RALYL: variants seen among roughly 807,000 people sequenced by gnomAD.
The protein encoded by RALYL is RALY RNA binding protein like.
In RALYL, 29 loss-of-function variants were observed where a neutral mutation model predicts 35.1. The ratio of observed to expected loss-of-function variants is 0.83; its 90% CI spans 0.61 to 1.13. The LOEUF is 1.13. RALYL is among the 50% of genes most tolerant of loss of function. RALYL has a pLI of 0.00. For synonymous variants in RALYL, 120 were observed against 127.6 expected, an observed-to-expected ratio of 0.94 and a Z score of 0.40; for missense variants, 359 against 360.4, an observed-to-expected ratio of 1.00 and a Z score of 0.03.
At chr8:84,236,883 G>A (rs971474963) in intron 1 of RALYL, among the ~76,000 whole-genome samples, 1 of 152,080 alleles carries the variant, frequency 6.6e-6, no homozygotes, top group Non-Finnish European at 1.5e-5. Flanking sequence ...TTCAATAAAA[G>A]TTTATTAAGC....
intron 2 of RALYL, among the ~76,000 whole-genome samples, chr8:84,583,695 C>T (rs1460099892): frequency 1.3e-5 from 2 of 152,112 alleles, no homozygotes; most frequent in Admixed American, 6.5e-5. Context: ...GTGAAGGAGA[C>T]ATCCCTGCAC....
chr8:84,634,057 A>G (rs890293722), intron 2 of RALYL, among the ~76,000 whole-genome samples: 1 of 151,922 alleles, frequency 6.6e-6, no homozygotes, highest in Admixed American at 6.6e-5. Context: ...CTGTACTTAT[A>G]AAGATCACAG....
intron 2 of RALYL, among the ~76,000 whole-genome samples, chr8:84,590,629 A>G (rs191514479): frequency 3.7e-4 from 56 of 152,308 alleles, no homozygotes; most frequent in Admixed American, 3.5e-3. Context: ...ATTTACCACT[A>G]CACAGTTTTT....
chr8:84,877,511 T>C (rs1164883563), intron 7 of RALYL, among the ~76,000 whole-genome samples: 2 of 151,878 alleles, frequency 1.3e-5, no homozygotes, highest in African/African-American at 4.8e-5. Flanking sequence ...TATATATATA[T>C]ATACACATAT....
chr8:84,597,214 G>A (rs1005437140), intron 2 of RALYL, among the ~76,000 whole-genome samples: 5 of 151,984 alleles, frequency 3.3e-5, no homozygotes, highest in Admixed American at 1.3e-4. Flanking sequence ...TCACCGTGGC[G>A]CTTAGTTTCC....
chr8:84,593,632 T>C (rs1813813864), intron 2 of RALYL, among the ~76,000 whole-genome samples: 1 of 152,076 alleles, frequency 6.6e-6, no homozygotes, highest in African/African-American at 2.4e-5. Flanking sequence ...CATTTGTGGT[T>C]TTAAGAGTCC....
chr8:84,371,742 C>T (rs1855767816), intron 1 of RALYL, among the ~76,000 whole-genome samples: 1 of 151,980 alleles, frequency 6.6e-6, no homozygotes, highest in Admixed American at 6.6e-5. Flanking sequence ...ATTTAGAGAA[C>T]TATTTCTAAA....
Position 84,716,813 on chromosome 8 carries a change from G to T in RALYL, c.257-57766G>T, listed in dbSNP as rs145237281. Among the ~76,000 whole-genome samples, 730 of 152,126 alleles carry T rather than the reference G, an allele frequency of 4.8e-3. 6 individuals are homozygous for T. Among genetic ancestry groups the T allele is most frequent in the African/African-American group, 0.017 (703 of 41,510 alleles). ...TGGACATAAAAATTTATTTGATTTT[G>T]AAATAAAAACAAATCATTAAAAATT... On this transcript the variant is annotated intron_variant, in intron 2 of 8. Coordinates refer to ENST00000521268, the MANE Select transcript of RALYL (RefSeq NM_173848.7).
At chr8:84,640,177 A>G (rs1456568420) in intron 2 of RALYL, among the ~76,000 whole-genome samples, 2 of 152,146 alleles carry the variant, frequency 1.3e-5, no homozygotes, top group East Asian at 1.9e-4. Context: ...ATAGTTACTC[A>G]TTTAACCCAA....
intron 3 of RALYL, among the ~76,000 whole-genome samples, chr8:84,782,282 T>G (rs1327323149): frequency 1.3e-5 from 2 of 152,202 alleles, no homozygotes; most frequent in Non-Finnish European, 2.9e-5. Flanking sequence ...AAAAGTGGGC[T>G]GACCCCTTGC....
chr8:84,651,229 A>G (rs1321347423), intron 2 of RALYL, among the ~76,000 whole-genome samples: 2 of 151,782 alleles, frequency 1.3e-5, no homozygotes, highest in Non-Finnish European at 2.9e-5. Context: ...AATAATAATA[A>G]AATTAAAAAA....
At chr8:84,911,337 A>G (rs532852319) in intron 8 of RALYL, among the ~76,000 whole-genome samples, 1 of 152,278 alleles carries the variant, frequency 6.6e-6, no homozygotes, top group East Asian at 1.9e-4. Context: ...AACTGGTTAT[A>G]TCTTTTCATA....
chr8:84,785,094 A>G (rs1436761705), intron 3 of RALYL, among the ~76,000 whole-genome samples: 4 of 152,188 alleles, frequency 2.6e-5, no homozygotes, highest in Non-Finnish European at 5.9e-5. Context: ...CTGAGATGCC[A>G]CATAGTTTAT....
intron 1 of RALYL, among the ~76,000 whole-genome samples, chr8:84,510,726 C>T (rs1216224163): frequency 6.6e-6 from 1 of 151,976 alleles, no homozygotes; most frequent in African/African-American, 2.4e-5. Context: ...AGGAGAATTG[C>T]TTGAACCTGG....
At chr8:84,483,367 G>A (rs1036218917) in intron 1 of RALYL, among the ~76,000 whole-genome samples, 2 of 151,936 alleles carry the variant, frequency 1.3e-5, no homozygotes, top group Non-Finnish European at 2.9e-5. Context: ...GGAGGTGTAG[G>A]GTATTCATTG....
chr8:84,490,942 G>A (rs2055221238), intron 1 of RALYL, among the ~76,000 whole-genome samples: 1 of 151,680 alleles, frequency 6.6e-6, no homozygotes, highest in Non-Finnish European at 1.5e-5. Context: ...TCATGTTGGA[G>A]GAAGGATTCC....
intron 5 of RALYL, among the ~76,000 whole-genome samples, chr8:84,857,974 C>T (rs113315616): frequency 1.3e-3 from 193 of 152,042 alleles, no homozygotes; most frequent in African/African-American, 4.5e-3. Context: ...CCAAAAGGCA[C>T]TTAGTTTTTA....
intron 1 of RALYL, among the ~76,000 whole-genome samples, chr8:84,388,879 G>A (rs902869034): frequency 3.3e-5 from 5 of 152,074 alleles, no homozygotes; most frequent in Non-Finnish European, 7.4e-5. Context: ...GGCTTTTGTT[G>A]CCATTGCTTT....
chr8:84,306,404 G>A (rs1274164150), intron 1 of RALYL, among the ~76,000 whole-genome samples: 1 of 152,126 alleles, frequency 6.6e-6, no homozygotes, highest in African/African-American at 2.4e-5. Context: ...ATCAGGCGAA[G>A]TGTTTTTAAA....
Sources: allele counts gnomAD v4.1 joint callset (sites outside exome capture counted in the v4.1 genomes callset), GRCh38; gene constraint gnomAD v4.1.1; transcripts MANE v1.5; gene names NCBI Gene and HGNC (gene_info 2026-07-23, HGNC 2026-07-21).